Variants in BEND5 observed in about 807,000 individuals in gnomAD.
The protein encoded by BEND5 is BEN domain-containing protein 5.
In BEND5, 22 loss-of-function variants were observed where a neutral mutation model predicts 43.9. The observed-to-expected ratio is 0.50, with a 90% confidence interval of 0.36 to 0.72. The LOEUF is 0.72. BEND5 is among the 30% of genes least tolerant of loss of function. BEND5 has a pLI of 0.00. For missense variants in BEND5, 428 were observed against 550.6 expected (o/e 0.78, Z 2.23); for synonymous variants, 228 against 225.9 (o/e 1.01, Z -0.08).
At chr1:48,753,299 G>C (rs1484774680) in intron 3 of BEND5, among the ~76,000 whole-genome samples, 1 of 152,158 alleles carries the variant, frequency 6.6e-6, no homozygotes, top group African/African-American at 2.4e-5. Context: ...ACCTGAGAAG[G>C]GTTAAACAAA....
chr1:48,765,748 T>A (rs1644497192), intron 1 of BEND5, among the ~76,000 whole-genome samples: 1 of 152,190 alleles, frequency 6.6e-6, no homozygotes, highest in Non-Finnish European at 1.5e-5. Context: ...AAAGAAATGA[T>A]GTACTGACTC....
At chr1:48,756,796 TGTAGCCCTGAGA>T (rs1338223036) in intron 3 of BEND5, among the ~76,000 whole-genome samples, 1 of 152,250 alleles carries the variant, frequency 6.6e-6, no homozygotes, top group East Asian at 1.9e-4. Flanking sequence ...CCAGGATGCC[TGTAGCCCTGAGA>T]GGATAGGGTG....
intron 4 of BEND5, among the ~76,000 whole-genome samples, chr1:48,741,351 T>G (rs1243353662): frequency 6.6e-6 from 1 of 152,210 alleles, no homozygotes. Flanking sequence ...GAAGGATCTT[T>G]GCAAGGTCAC....
Position 48,769,526 on chromosome 1 carries a change from AACACACACAC to A in BEND5, c.226+7070_226+7079del, listed in dbSNP as rs558937968. On this transcript the variant is annotated intron_variant, in intron 1 of 5. Transcript: ENST00000371833. ...TAGGTCAAGTCCCAGGAGGATTTAA[AACACACACAC>A]ACACACACACACACACACACACACA... Among the ~76,000 whole-genome samples the A allele has an allele frequency of 5.9e-3, 773 of 130,310 alleles. 2 individuals carry two copies. Among genetic ancestry groups the A allele is most frequent in the Non-Finnish European group, 9.1e-3 (571 of 62,480 alleles). 85.5% of individuals were successfully genotyped at this position (130,310 alleles called of 152,430 possible).
At chr1:48,759,305 C>T in intron 2 of BEND5, 21 bp from the exon 3 acceptor site, 1 of 1,547,050 alleles carries the variant, frequency 6.5e-7, no homozygotes, top group Non-Finnish European at 8.7e-7. Flanking sequence ...CAACGAGAAT[C>T]AGTTCAGGCA....
intron 1 of BEND5, among the ~76,000 whole-genome samples, chr1:48,768,176 GTAAC>G (rs1644624610): frequency 1.5e-4 from 1 of 6,822 alleles, no homozygotes; most frequent in African/African-American, 1.6e-4. Flanking sequence ...AAAGGCACAT[GTAAC>G]ATGAGTATGT....
chr1:48,748,226 C>G (rs1375459767), intron 3 of BEND5, among the ~76,000 whole-genome samples: 1 of 152,132 alleles, frequency 6.6e-6, no homozygotes, highest in African/African-American at 2.4e-5. Context: ...TAGGAGGATC[C>G]CCCTCTGTGG....
At chr1:48,764,446 G>T (rs1644430542) in intron 1 of BEND5, among the ~76,000 whole-genome samples, 1 of 152,164 alleles carries the variant, frequency 6.6e-6, no homozygotes, top group Non-Finnish European at 1.5e-5. Context: ...TAAGAATCTG[G>T]ACTACACAAG....
At chr1:48,742,346 T>C (rs1222001489) in intron 4 of BEND5, among the ~76,000 whole-genome samples, 1 of 152,172 alleles carries the variant, frequency 6.6e-6, no homozygotes, top group Non-Finnish European at 1.5e-5. Context: ...TCTTTGTCAC[T>C]AGTAAGCTAT....
At chr1:48,760,796 G>A (rs150734767) in intron 2 of BEND5, among the ~76,000 whole-genome samples, 42 of 152,262 alleles carry the variant, frequency 2.8e-4, no homozygotes, top group South Asian at 2.1e-4. Context: ...CTAGCTTGCC[G>A]AACAAGATTT....
At chr1:48,761,282 C>T (rs1177711990) in intron 2 of BEND5, 55 bp downstream of exon 2, 30 of 1,499,378 alleles carry the variant, frequency 2.0e-5, no homozygotes, top group Admixed American at 1.6e-4. Flanking sequence ...TCTTTAGCTA[C>T]GAGATATCTG....
chr1:48,775,289 T>C (rs1044423867), intron 1 of BEND5, among the ~76,000 whole-genome samples: 1 of 152,154 alleles, frequency 6.6e-6, no homozygotes, highest in Non-Finnish European at 1.5e-5. Flanking sequence ...TCTTCCACTC[T>C]TCAACTTCTG....
At chr1:48,774,682 A>G (rs998958543) in intron 1 of BEND5, among the ~76,000 whole-genome samples, 3 of 152,238 alleles carry the variant, frequency 2.0e-5, no homozygotes, top group Admixed American at 2.0e-4. Flanking sequence ...TTCTCAAACC[A>G]ACAGCTACAT....
Position 48,771,847 on chromosome 1 carries a change from T to C in BEND5, c.226+4759A>G, listed in dbSNP as rs12092274. On this transcript the variant is annotated intron_variant, in intron 1 of 5. Coordinates refer to ENST00000371833, the MANE Select transcript of BEND5 (RefSeq NM_024603.4). ...TAAAATTACCAAAGCAATAAGAACATGGCTTTGGAAGCTATTTCCCCCAAG... is the reference window on the plus strand; with the variant it reads ...TAAAATTACCAAAGCAATAAGAACACGGCTTTGGAAGCTATTTCCCCCAAG... Among the ~76,000 whole-genome samples, 289 of 152,348 alleles carry C rather than the reference T, an allele frequency of 1.9e-3. 5 individuals carry two copies. The highest frequency in any genetic ancestry group is 6.4e-3 in the African/African-American group (268 of 41,586).
At chr1:48,728,212 G>A (rs1275189175) in intron 5 of BEND5, among the ~76,000 whole-genome samples, 169 bp from the exon 6 acceptor site, 3 of 152,152 alleles carry the variant, frequency 2.0e-5, no homozygotes, top group Middle Eastern at 3.2e-3. Context: ...TTAGAAAAGA[G>A]CAGATATACA....
chr1:48,743,008 G>T (rs1040323975), intron 3 of BEND5, among the ~76,000 whole-genome samples: 1 of 152,166 alleles, frequency 6.6e-6, no homozygotes, highest in Non-Finnish European at 1.5e-5. Context: ...TGAATGAAGA[G>T]CACTCTTCCA....
At position 48,756,984 on chromosome 1, in the gene BEND5, C is replaced by T. The variant is rs143410519; in HGVS notation, c.745+1916G>A. Among the ~76,000 whole-genome samples the T allele has an allele frequency of 1.0e-3, 153 of 152,286 alleles. 2 individuals carry two copies. In the South Asian group the frequency reaches 0.025, roughly 25 times the overall value. On this transcript the variant is annotated intron_variant, in intron 3 of 5. Transcript: ENST00000371833. The stretch of plus-strand genomic sequence containing the variant: ...GAAAGATCAAGACACTGAAACTATG[C>T]TTCAGGTCAAGTTTTTCTACATGTT...
intron 1 of BEND5, among the ~76,000 whole-genome samples, chr1:48,762,223 G>A (rs1486595717): frequency 2.0e-5 from 3 of 152,122 alleles, no homozygotes; most frequent in East Asian, 1.9e-4. Flanking sequence ...GTGTGCTCAC[G>A]ACACATACTG....
chr1:48,736,742 G>A lies in BEND5; in HGVS notation c.895-290C>T, dbSNP rs1288005721. Among the ~76,000 whole-genome samples the A allele has an allele frequency of 6.6e-6, 1 of 152,154 alleles. No homozygotes were observed. On this transcript the variant is annotated intron_variant, in intron 4 of 5. Coordinates refer to ENST00000371833, the MANE Select transcript of BEND5 (RefSeq NM_024603.4). The surrounding 1 kb of genome is among the most constrained non-coding windows in gnomAD (Gnocchi z 4.0). ...CAGATGGAAACACCGGTTCAGACAG[G>A]TGAGGTGACTTGCTGAACATCATTC...
Sources: allele counts gnomAD v4.1 joint callset (sites outside exome capture counted in the v4.1 genomes callset), GRCh38; gene constraint gnomAD v4.1.1; non-coding constraint Gnocchi (gnomAD v3.1); transcripts MANE v1.5; gene names NCBI Gene and HGNC (gene_info 2026-07-23, HGNC 2026-07-21).